The following COL6A5 variants were observed in gnomAD, a reference collection of about 807,000 sequenced individuals.
COL6A5 encodes collagen type VI alpha 5 chain, also known as collagen alpha-5(VI) chain.
A neutral mutation model predicts 65.6 loss-of-function variants in COL6A5; 48 were observed. The ratio of observed to expected loss-of-function variants is 0.73; its 90% confidence interval spans 0.58 to 0.93. The LOEUF is 0.93. COL6A5 is among the 40% of genes least tolerant of loss of function. The pLI, the probability that COL6A5 is intolerant of heterozygous loss-of-function variation, is 0.00. For missense variants in COL6A5, 914 were observed against 928.3 expected (o/e 0.98, Z 0.20); for synonymous variants, 291 against 322.8 (o/e 0.90, Z 1.05).
At chr3:130,403,629 C>T in exon 13 of COL6A5, 2 of 1,551,168 alleles carry the variant, frequency 1.3e-6, no homozygotes. Flanking sequence ...GTCTGAAAGG[C>T]AGCAGAGGAC....
upstream of COL6A5, among the ~76,000 whole-genome samples, chr3:130,430,627 T>C (rs1235058622): frequency 6.6e-6 from 1 of 152,240 alleles, no homozygotes; most frequent in African/African-American, 2.4e-5. Flanking sequence ...GACATGAGTA[T>C]TGAGCTAGGA....
intron 3 of COL6A5, 43 bp downstream of exon 35, chr3:130,440,868 G>A (rs750301732): frequency 2.1e-4 from 308 of 1,439,484 alleles, no homozygotes; most frequent in Admixed American, 1.0e-3. Flanking sequence ...TAATAAGCTA[G>A]TGTTTGTTAA....
intron 3 of COL6A5, among the ~76,000 whole-genome samples, chr3:130,378,031 A>T (rs1313056581): frequency 6.6e-6 from 1 of 152,122 alleles, no homozygotes; most frequent in Non-Finnish European, 1.5e-5. Flanking sequence ...GAACTCACAG[A>T]TGGGTAATTC....
chr3:130,409,482 A>AGG, intron 18 of COL6A5, 94 bp downstream of exon 18: 21 of 1,113,018 alleles, frequency 1.9e-5, no homozygotes, highest in Non-Finnish European at 2.7e-5. Context: ...CCCTGTAGGC[A>AGG]AATGGTTGTC....
intron 20 of COL6A5, among the ~76,000 whole-genome samples, chr3:130,413,245 G>A (rs1937233595): frequency 6.8e-6 from 1 of 147,536 alleles, no homozygotes; most frequent in South Asian, 2.1e-4. Context: ...GGAAATACAG[G>A]AGACAGGATC....
intron 1 of COL6A5, among the ~76,000 whole-genome samples, chr3:130,436,951 C>G (rs1709049033): frequency 6.6e-6 from 1 of 152,184 alleles, no homozygotes. Context: ...GATTCATACA[C>G]AGAGCAGCCT....
chr3:130,427,060 T>C (rs1042850972), upstream of COL6A5, among the ~76,000 whole-genome samples: 5 of 152,222 alleles, frequency 3.3e-5, no homozygotes, highest in Non-Finnish European at 7.3e-5. Context: ...TTTACACTTA[T>C]AGAATAATTA....
At chr3:130,412,048 T>G (rs74336538) in intron 20 of COL6A5, among the ~76,000 whole-genome samples, 4,895 of 152,188 alleles carry the variant, frequency 0.032, 100 homozygotes, top group South Asian at 0.083. Flanking sequence ...GTGACAGAAT[T>G]TCAACTTATG....
rs551342925 is a variant in COL6A5 at position 130,401,028 on chromosome 3, T to A, written c.3992-3T>A. 6.5e-7 allele frequency: 1 copy of A among 1,540,274 alleles called. No homozygotes were observed. Among genetic ancestry groups the A allele is most frequent in the Non-Finnish European group, 8.7e-7 (1 of 1,144,078 alleles). ...TATTTATATTGTGGTTTTTACCACATAGGACTTGATGCTCTGCTGGTAGTG... is the reference window on the plus strand; with the variant it reads ...TATTTATATTGTGGTTTTTACCACAAAGGACTTGATGCTCTGCTGGTAGTG... On this transcript the variant is annotated splice_region_variant and splice_polypyrimidine_tract_variant and intron_variant and NMD_transcript_variant, in intron 10 of 41. Coordinates refer to the COL6A5 transcript ENST00000312481.
chr3:130,463,732 A>C (rs1709751241), intron 5 of COL6A5, among the ~76,000 whole-genome samples: 1 of 152,102 alleles, frequency 6.6e-6, no homozygotes, highest in African/African-American at 2.4e-5. Flanking sequence ...AGCTATGGAT[A>C]TATTTTATCC....
exon 4 of COL6A5, chr3:130,443,494 C>T (rs774475515): frequency 1.2e-6 from 2 of 1,609,994 alleles, no homozygotes; most frequent in Non-Finnish European, 1.7e-6. Flanking sequence ...AATCAGTACC[C>T]ACCACCGATG....
At chr3:130,460,450 G>A (rs905154038) in intron 5 of COL6A5, among the ~76,000 whole-genome samples, 1 of 152,140 alleles carries the variant, frequency 6.6e-6, no homozygotes, top group Non-Finnish European at 1.5e-5. Flanking sequence ...TTCAGAATAA[G>A]TGGACTATCT....
In COL6A5 at chr3:130,440,643, T is replaced by A. The variant is rs767788379; in HGVS notation, c.1061T>A (p.Leu354Ter). 6.2e-7 allele frequency: 1 copy of A among 1,613,506 alleles called. No individual in the cohort carries two copies. Among genetic ancestry groups the A allele is most frequent in the Non-Finnish European group, 8.5e-7 (1 of 1,179,692 alleles). ...AAAGAATTTGTAAAAATGATGGCTT[T>A]GAGGGCTAAGTGTCAAGGCTACGTC... The change falls in exon 3 of 8, where the codon TTG becomes TAG. Residue 354 changes from leucine (L) to a stop codon, truncating the protein, a stop_gained. Transcript: ENST00000512836. LOFTEE classifies it high-confidence loss of function.
chr3:130,405,475 T>C (rs547490534), intron 13 of COL6A5, 113 bp from the exon 14 acceptor site: 17 of 641,904 alleles, frequency 2.6e-5, no homozygotes, highest in Admixed American at 8.8e-5. Flanking sequence ...AGGATTCACT[T>C]TTTCTAAAGC....
At chr3:130,479,690 T>C (rs1415106680) in intron 7 of COL6A5, among the ~76,000 whole-genome samples, 2 of 152,082 alleles carry the variant, frequency 1.3e-5, no homozygotes, top group Non-Finnish European at 2.9e-5. Context: ...TGAACTAAAT[T>C]GAAGCTTCAA....
upstream of COL6A5, among the ~76,000 whole-genome samples, chr3:130,426,697 A>G (rs9821748): frequency 0.14 from 20,854 of 152,112 alleles, 1,661 homozygotes; most frequent in East Asian, 0.26. Flanking sequence ...CATTAGTATA[A>G]CAGTTATGAG....
intron 11 of COL6A5, 147 bp from the exon 12 acceptor site, chr3:130,401,615 G>T (rs529492594): frequency 4.7e-6 from 3 of 641,732 alleles, no homozygotes; most frequent in East Asian, 5.6e-5. Flanking sequence ...GTTAAATTCA[G>T]AAAGCACCTC....
intron 1 of COL6A5, among the ~76,000 whole-genome samples, chr3:130,348,283 T>G (rs1170118865): frequency 6.6e-6 from 1 of 152,048 alleles, no homozygotes; most frequent in Non-Finnish European, 1.5e-5. Context: ...TTCCCCCAAC[T>G]CCCTGACAGG....
intron 4 of COL6A5, among the ~76,000 whole-genome samples, chr3:130,383,415 C>T (rs1470033969): frequency 2.0e-5 from 3 of 152,050 alleles, no homozygotes; most frequent in Non-Finnish European, 4.4e-5. Context: ...TTCTCTCCCT[C>T]ATTGCTAATC....
Sources: gnomAD v4.1 joint callset for allele counts (sites outside exome capture counted in the v4.1 genomes callset) on GRCh38, gnomAD v4.1.1 for gene constraint, MANE v1.5 for transcripts, NCBI Gene and HGNC (gene_info 2026-07-23, HGNC 2026-07-21) for gene names.